Variants in WWOX observed in about 807,000 individuals in gnomAD.
The protein encoded by WWOX is WW domain containing oxidoreductase.
A neutral mutation model predicts 46.2 loss-of-function variants in WWOX; 69 were observed. The observed-to-expected ratio is 1.49, with a 90% CI of 1.23 to 1.82. WWOX has a LOEUF of 1.82. Ranked by LOEUF, WWOX falls within the 40% of genes most tolerant of loss-of-function variation. WWOX has a pLI of 0.00. For synonymous variants in WWOX, 359 were observed against 202.6 expected, an observed-to-expected ratio of 1.77 and a Z score of -6.56; for missense variants, 919 against 542.6, an observed-to-expected ratio of 1.69 and a Z score of -6.89.
intron 8 of WWOX, among the ~76,000 whole-genome samples, chr16:78,927,353 T>C (rs2045522272): frequency 6.6e-6 from 1 of 152,202 alleles, no homozygotes; most frequent in Non-Finnish European, 1.5e-5. Flanking sequence ...TTAATTTCCT[T>C]GAGTTTTGGT....
intron 1 of WWOX, among the ~76,000 whole-genome samples, chr16:78,107,137 G>A (rs2032196585): frequency 6.6e-6 from 1 of 152,204 alleles, no homozygotes; most frequent in Non-Finnish European, 1.5e-5. Flanking sequence ...AGATGTTGCT[G>A]ATTAAATAAT....
intron 8 of WWOX, chr16:79,203,263 A>T (rs1363718049): frequency 6.6e-6 from 1 of 152,232 alleles, no homozygotes; most frequent in African/African-American, 2.4e-5. Context: ...TCTAAATGAA[A>T]TATTAACAAG....
intron 5 of WWOX, among the ~76,000 whole-genome samples, chr16:78,336,862 C>G (rs1020057215): frequency 6.6e-6 from 1 of 151,984 alleles, no homozygotes; most frequent in Admixed American, 6.6e-5. Context: ...GTGCAATCTC[C>G]TCCGCCTCCC....
chr16:78,965,117 C>G (rs1026013100), intron 8 of WWOX, among the ~76,000 whole-genome samples: 2 of 152,184 alleles, frequency 1.3e-5, no homozygotes, highest in East Asian at 3.9e-4. Flanking sequence ...CTGGAGCCTC[C>G]AGGCAGAGTC....
intron 5 of WWOX, among the ~76,000 whole-genome samples, chr16:78,298,574 C>G (rs1389951093): frequency 6.6e-6 from 1 of 152,124 alleles, no homozygotes; most frequent in Non-Finnish European, 1.5e-5. Flanking sequence ...GGCAGATCAC[C>G]TGAGGTCAGG....
intron 7 of WWOX, among the ~76,000 whole-genome samples, chr16:78,431,698 T>TC (rs2083221068): frequency 6.6e-6 from 1 of 151,460 alleles, no homozygotes; most frequent in Non-Finnish European, 1.5e-5. Context: ...ATCCTTTTTT[T>TC]TTTTTTAATT....
At chr16:79,154,596 T>C (rs374150623) in intron 8 of WWOX, among the ~76,000 whole-genome samples, 2 of 152,302 alleles carry the variant, frequency 1.3e-5, no homozygotes, top group South Asian at 2.1e-4. Context: ...TTTTGTGTTT[T>C]CTTCACTTGG....
intron 8 of WWOX, among the ~76,000 whole-genome samples, chr16:79,036,502 C>T (rs937730601): frequency 6.6e-6 from 1 of 152,216 alleles, no homozygotes; most frequent in South Asian, 2.1e-4. Context: ...GCAGCTTCCT[C>T]CGAGCAGCTC....
At chr16:79,057,950 C>G (rs10492903) in intron 8 of WWOX, among the ~76,000 whole-genome samples, 6 of 151,938 alleles carry the variant, frequency 3.9e-5, no homozygotes, top group African/African-American at 1.5e-4. Context: ...CCAAATCATT[C>G]AAATCGCTGT....
chr16:78,695,004 A>G (rs1368214993), intron 8 of WWOX, among the ~76,000 whole-genome samples: 3 of 152,182 alleles, frequency 2.0e-5, no homozygotes, highest in Non-Finnish European at 4.4e-5. Context: ...GATTGTAAAC[A>G]CAGGGAATAG....
intron 8 of WWOX, among the ~76,000 whole-genome samples, chr16:78,595,397 TC>T (rs35365721): frequency 0.46 from 69,948 of 151,600 alleles, 18,595 homozygotes; most frequent in Non-Finnish European, 0.59. Flanking sequence ...GCCACAAGAC[TC>T]CTGCCTCCCT....
intron 8 of WWOX, among the ~76,000 whole-genome samples, chr16:79,172,518 C>G (rs542858667): frequency 3.5e-4 from 53 of 152,194 alleles, no homozygotes; most frequent in African/African-American, 1.2e-3. Context: ...AATGTTTGCT[C>G]CTCCTCACTG....
intron 8 of WWOX, among the ~76,000 whole-genome samples, chr16:78,815,009 C>G (rs1337964267): frequency 2.6e-5 from 4 of 152,304 alleles, no homozygotes; most frequent in Admixed American, 2.6e-4. Context: ...CAGGGTGTCA[C>G]TTCACCACCT....
intron 5 of WWOX, among the ~76,000 whole-genome samples, chr16:78,212,544 G>A (rs2036590711): frequency 6.6e-6 from 1 of 152,204 alleles, no homozygotes; most frequent in African/African-American, 2.4e-5. Context: ...TTTGAATTTT[G>A]TAGCTGAAAT....
intron 8 of WWOX, among the ~76,000 whole-genome samples, chr16:78,615,904 C>G (rs2046012538): frequency 2.6e-5 from 4 of 152,004 alleles, no homozygotes; most frequent in African/African-American, 9.7e-5. Flanking sequence ...GCGCCCGCCA[C>G]CACACTCAGC....
intron 8 of WWOX, among the ~76,000 whole-genome samples, chr16:78,669,595 C>T (rs1292827950): frequency 6.6e-6 from 1 of 152,180 alleles, no homozygotes; most frequent in Non-Finnish European, 1.5e-5. Context: ...CGTGACCTAG[C>T]TGGAAGGTGA....
intron 8 of WWOX, among the ~76,000 whole-genome samples, chr16:79,081,234 G>A (rs2014633): frequency 0.16 from 24,302 of 152,036 alleles, 4,698 homozygotes; most frequent in African/African-American, 0.46. Context: ...CAGCATCTTG[G>A]CTCACTGCAA....
At chr16:79,000,890 T>G (rs55633126) in intron 8 of WWOX, among the ~76,000 whole-genome samples, 2,983 of 152,256 alleles carry the variant, frequency 0.02, 56 homozygotes, top group Non-Finnish European at 0.031. Flanking sequence ...CATGTTGCAC[T>G]TATTTGTGTG....
chr16:78,618,344 T>C (rs2046081577), intron 8 of WWOX, among the ~76,000 whole-genome samples: 1 of 152,160 alleles, frequency 6.6e-6, no homozygotes, highest in Non-Finnish European at 1.5e-5. Flanking sequence ...TTCCTCACAG[T>C]TCTGGAGGTT....
Sources: gnomAD v4.1 joint callset for allele counts (sites outside exome capture counted in the v4.1 genomes callset) on GRCh38, gnomAD v4.1.1 for gene constraint, MANE v1.5 for transcripts, NCBI Gene and HGNC (gene_info 2026-07-23, HGNC 2026-07-21) for gene names.